PDE8B: variants seen among roughly 807,000 people sequenced by gnomAD.
PDE8B encodes the protein phosphodiesterase 8B, also known as high affinity cAMP-specific and IBMX-insensitive 3',5'-cyclic phosphodiesterase 8B.
A neutral mutation model predicts 101.3 loss-of-function variants in PDE8B; 26 were observed. The ratio of observed to expected loss-of-function variants is 0.26; its 90% CI spans 0.19 to 0.36. The LOEUF (loss-of-function observed/expected upper bound fraction) is 0.36. Ranked by LOEUF, PDE8B falls within the 10% of genes least tolerant of loss-of-function variation. The probability of loss-of-function intolerance (pLI) is 1.00; values close to 1 mark genes in which losing one functional copy is unlikely to be tolerated. For synonymous variants in PDE8B, 424 were observed against 429.3 expected (o/e 0.99, Z 0.15); for missense variants, 810 against 1,163.1 (o/e 0.70, Z 4.42).
At chr5:77,361,441 A>T (rs996837206) in intron 10 of PDE8B, among the ~76,000 whole-genome samples, 1 of 152,222 alleles carries the variant, frequency 6.6e-6, no homozygotes, top group African/African-American at 2.4e-5. Context: ...ATTTGATTCA[A>T]CAAAGAAGTT....
At chr5:77,142,873 A>T in the PDE8B span, among the ~76,000 whole-genome samples, 1 of 151,964 alleles carries the variant, frequency 6.6e-6, no homozygotes, top group African/African-American at 2.4e-5. Flanking sequence ...CTCAGAATTT[A>T]CTCAATGGCA....
intron 10 of PDE8B, among the ~76,000 whole-genome samples, chr5:77,398,492 T>A (rs549881400): frequency 1.3e-5 from 2 of 152,118 alleles, no homozygotes; most frequent in Admixed American, 1.3e-4. Flanking sequence ...CCAGCTAATA[T>A]TATATTTTTA....
chr5:77,211,038 C>A lies in PDE8B; in HGVS notation c.113C>A (p.Ala38Glu). ...ACCAGCGTGTCGCAGGGCCCGGCGGCACCCCTGCCCGGCCTCTTCGTCCAG... is the reference window on the plus strand; with the variant it reads ...ACCAGCGTGTCGCAGGGCCCGGCGGAACCCCTGCCCGGCCTCTTCGTCCAG... ...QTTSVSQGPA[A>E]PLPGLFVQTD... The change falls in exon 1 of 22, where the codon GCA becomes GAA. Residue 38 changes from alanine (A) to glutamate (E), a missense_variant. Coordinates refer to ENST00000264917, the MANE Select transcript of PDE8B (RefSeq NM_003719.5). The surrounding 1 kb of genome is among the most constrained non-coding windows in gnomAD (Gnocchi z 4.1). 1 of 1,537,712 alleles carries A rather than the reference C, an allele frequency of 6.5e-7. No individual in the cohort carries two copies. Among genetic ancestry groups the A allele is most frequent in the South Asian group, 1.2e-5 (1 of 83,948 alleles).
chr5:77,209,318 C>A (rs1367948520), upstream of PDE8B, among the ~76,000 whole-genome samples: 1 of 151,824 alleles, frequency 6.6e-6, no homozygotes, highest in African/African-American at 2.4e-5. Context: ...TTGAAGTCTT[C>A]ATCCAGTCAC....
chr5:77,345,637 C>T (rs1199141397), intron 7 of PDE8B, among the ~76,000 whole-genome samples: 1 of 152,200 alleles, frequency 6.6e-6, no homozygotes, highest in Non-Finnish European at 1.5e-5. Flanking sequence ...ATGTCATCCT[C>T]CTAAGGAAAT....
chr5:77,242,135 A>T (rs1189109547), intron 1 of PDE8B, among the ~76,000 whole-genome samples: 2 of 152,226 alleles, frequency 1.3e-5, no homozygotes. Context: ...TTATTTAAGA[A>T]CCTTGAAAAG....
chr5:77,389,034 A>C (rs1789343532), intron 10 of PDE8B, among the ~76,000 whole-genome samples: 1 of 152,144 alleles, frequency 6.6e-6, no homozygotes, highest in Non-Finnish European at 1.5e-5. Flanking sequence ...CCGCTGAGCC[A>C]GACCACTTGG....
At chr5:77,361,587 T>C (rs1240636292) in intron 10 of PDE8B, among the ~76,000 whole-genome samples, 2 of 151,406 alleles carry the variant, frequency 1.3e-5, no homozygotes, top group African/African-American at 4.9e-5. Flanking sequence ...CGATCTCGGC[T>C]CACTGCAAGC....
intron 17 of PDE8B, among the ~76,000 whole-genome samples, chr5:77,416,875 G>A (rs1028063250): frequency 3.3e-5 from 5 of 152,056 alleles, no homozygotes; most frequent in Admixed American, 6.5e-5. Context: ...CAACATCTTG[G>A]GGACCACTTT....
chr5:77,215,285 T>C (rs1202343149), intron 1 of PDE8B, among the ~76,000 whole-genome samples: 3 of 152,194 alleles, frequency 2.0e-5, no homozygotes, highest in Non-Finnish European at 4.4e-5. Context: ...TATTCTCTTC[T>C]CAGCTCTTGG....
At chr5:77,294,115 A>T (rs1413068187) in intron 1 of PDE8B, among the ~76,000 whole-genome samples, 1 of 152,198 alleles carries the variant, frequency 6.6e-6, no homozygotes, top group Admixed American at 6.5e-5. Context: ...TAAGCCCCTT[A>T]TATCAACTCA....
intron 1 of PDE8B, among the ~76,000 whole-genome samples, chr5:77,309,286 A>T (rs1241963951): frequency 6.6e-6 from 1 of 152,164 alleles, no homozygotes; most frequent in Non-Finnish European, 1.5e-5. Context: ...AGAGAGAAAG[A>T]AAAGTATACA....
the PDE8B span, among the ~76,000 whole-genome samples, chr5:77,159,827 C>T: frequency 6.6e-6 from 1 of 152,170 alleles, no homozygotes; most frequent in Non-Finnish European, 1.5e-5. Flanking sequence ...CTCCTCTGGT[C>T]TTTTGAAGGG....
intron 10 of PDE8B, among the ~76,000 whole-genome samples, chr5:77,365,504 G>T (rs1291260674): frequency 6.6e-6 from 1 of 152,192 alleles, no homozygotes; most frequent in Non-Finnish European, 1.5e-5. Flanking sequence ...ACTGCCAGGG[G>T]TAGGGACCAT....
At chr5:77,378,854 T>C (rs1786883799) in intron 10 of PDE8B, among the ~76,000 whole-genome samples, 1 of 152,244 alleles carries the variant, frequency 6.6e-6, no homozygotes, top group Non-Finnish European at 1.5e-5. Flanking sequence ...GTGATTTTGA[T>C]TCATGCATAA....
chr5:77,109,935 T>G, the PDE8B span, among the ~76,000 whole-genome samples: 11 of 111,920 alleles, frequency 9.8e-5, no homozygotes, highest in East Asian at 2.6e-3. Flanking sequence ...CAGTTTTTTT[T>G]TTTTTTTTTT....
At chr5:77,199,361 G>A in the PDE8B span, among the ~76,000 whole-genome samples, 1 of 152,152 alleles carries the variant, frequency 6.6e-6, no homozygotes, top group African/African-American at 2.4e-5. Context: ...AAAGTGTTAG[G>A]AGAAGGAAAA....
At chr5:77,376,495 A>G (rs527276388) in intron 10 of PDE8B, among the ~76,000 whole-genome samples, 1 of 152,258 alleles carries the variant, frequency 6.6e-6, no homozygotes, top group South Asian at 2.1e-4. Context: ...TTTGTCCCTT[A>G]TTAGACAGTA....
At chr5:77,199,318 G>A in the PDE8B span, among the ~76,000 whole-genome samples, 62,549 of 152,032 alleles carry the variant, frequency 0.41, 13,612 homozygotes, top group African/African-American at 0.54. Context: ...AGTACTTCAA[G>A]TGACTTATAA....
Sources: allele counts gnomAD v4.1 joint callset (sites outside exome capture counted in the v4.1 genomes callset), GRCh38; gene constraint gnomAD v4.1.1; non-coding constraint Gnocchi (gnomAD v3.1); transcripts MANE v1.5; gene names NCBI Gene and HGNC (gene_info 2026-07-23, HGNC 2026-07-21).